KAZN: variants seen among roughly 807,000 people sequenced by gnomAD.
KAZN encodes kazrin.
In KAZN, 40 loss-of-function variants were observed where a neutral mutation model predicts 87.4. That is an observed-to-expected ratio of 0.46 (90% CI 0.36 to 0.60). The LOEUF (loss-of-function observed/expected upper bound fraction) is 0.60, where lower values mean the gene tolerates loss of function less well. KAZN is among the 20% of genes least tolerant of loss of function. The pLI is 0.00. For missense variants in KAZN, 898 were observed against 1,073.9 expected (o/e 0.84, Z 2.29); for synonymous variants, 466 against 458.3 (o/e 1.02, Z -0.22).
chr1:14,779,343 G>A (rs1212960361), intron 1 of KAZN, among the ~76,000 whole-genome samples: 2 of 152,134 alleles, frequency 1.3e-5, no homozygotes, highest in South Asian at 4.1e-4. Flanking sequence ...GGGCCCCCCG[G>A]CTTCCCTCTG....
intron 2 of KAZN, among the ~76,000 whole-genome samples, chr1:14,373,237 A>ATATATATATATAT (rs1660651334): frequency 6.6e-6 from 1 of 151,076 alleles, no homozygotes; most frequent in African/African-American, 2.4e-5. Context: ...GCACACATAT[A>ATATATATATATAT]ATTATAAGGA....
intron 1 of KAZN, among the ~76,000 whole-genome samples, chr1:14,172,745 C>T (rs1645981850): frequency 6.6e-6 from 1 of 152,192 alleles, no homozygotes; most frequent in Admixed American, 6.5e-5. Flanking sequence ...ATGGCAAGGG[C>T]CTCCGTGATG....
intron 1 of KAZN, among the ~76,000 whole-genome samples, chr1:14,826,428 T>G (rs2100851286): frequency 6.6e-6 from 1 of 152,342 alleles, no homozygotes; most frequent in African/African-American, 2.4e-5. Context: ...GCAATTGCAC[T>G]CAAGCCTGAG....
chr1:14,206,316 ATTGTAC>A (rs1468446803), intron 2 of KAZN, among the ~76,000 whole-genome samples: 1 of 152,232 alleles, frequency 6.6e-6, no homozygotes, highest in Non-Finnish European at 1.5e-5. Context: ...AAACAGAATA[ATTGTAC>A]TTATATTTCA....
At chr1:14,140,128 A>T (rs1248046805) in intron 1 of KAZN, among the ~76,000 whole-genome samples, 1 of 152,016 alleles carries the variant, frequency 6.6e-6, no homozygotes, top group African/African-American at 2.4e-5. Context: ...CTCCTGAAAG[A>T]GGTGATGTAC....
chr1:14,096,298 A>T (rs1022835350), intron 1 of KAZN, among the ~76,000 whole-genome samples: 2 of 152,228 alleles, frequency 1.3e-5, no homozygotes. Context: ...TATAAAGGGT[A>T]ATAATTACTC....
intron 1 of KAZN, among the ~76,000 whole-genome samples, chr1:14,886,263 A>G (rs1654038224): frequency 6.6e-6 from 1 of 152,110 alleles, no homozygotes; most frequent in Non-Finnish European, 1.5e-5. Context: ...CACTACAAAA[A>G]GATTAAAAAA....
intron 2 of KAZN, among the ~76,000 whole-genome samples, chr1:14,539,464 T>G (rs1397649629): frequency 6.6e-6 from 1 of 152,186 alleles, no homozygotes; most frequent in Non-Finnish European, 1.5e-5. Context: ...TTTTGACAAA[T>G]GTACCATGGT....
chr1:14,727,479 T>C lies in KAZN; in HGVS notation c.226+128256T>C, dbSNP rs1280906129. Among the ~76,000 whole-genome samples, 15 of 99,968 alleles carry C rather than the reference T, an allele frequency of 1.5e-4. 1 individual carries two copies. Among genetic ancestry groups the C allele is most frequent in the East Asian group, 2.9e-4 (1 of 3,508 alleles). The allele number at this position is 99,968 out of a possible 152,430, so 65.6% of individuals were successfully genotyped here. On this transcript the variant is annotated intron_variant, in intron 1 of 14. Transcript: ENST00000376030. ...TTTTTTTTTTTTTTTTTTTTTTTTT[T>C]TTTTTTTTTTTTTTTTTGAGAAAGA...
intron 1 of KAZN, among the ~76,000 whole-genome samples, chr1:14,885,252 T>C (rs1226664045): frequency 6.6e-6 from 1 of 152,110 alleles, no homozygotes; most frequent in East Asian, 1.9e-4. Context: ...CATCCTTCTT[T>C]CGTGGCCCAG....
At chr1:14,536,668 G>C (rs1672521597) in intron 2 of KAZN, among the ~76,000 whole-genome samples, 1 of 152,174 alleles carries the variant, frequency 6.6e-6, no homozygotes, top group Non-Finnish European at 1.5e-5. Context: ...GACAACCTGA[G>C]GTCAGGAGTT....
At chr1:14,575,252 A>T (rs1675108556) in intron 2 of KAZN, among the ~76,000 whole-genome samples, 1 of 152,120 alleles carries the variant, frequency 6.6e-6, no homozygotes, top group African/African-American at 2.4e-5. Flanking sequence ...TGCTGCTGAG[A>T]AAGACATACC....
At chr1:14,879,511 G>C (rs1182875555) in intron 1 of KAZN, among the ~76,000 whole-genome samples, 1 of 152,148 alleles carries the variant, frequency 6.6e-6, no homozygotes, top group African/African-American at 2.4e-5. Context: ...GCCAGCCAAA[G>C]CAAAACGGCC....
rs763767893 is a variant in KAZN, at chr1:14,755,086, G to GAAAAAA, written c.226+155863_226+155864insAAAAAA. Among the ~76,000 whole-genome samples, 25 of 50,016 alleles carry GAAAAAA rather than the reference G, an allele frequency of 5.0e-4. 1 individual carries two copies. The highest frequency in any genetic ancestry group is 4.7e-4 in the South Asian group (1 of 2,112). The allele number at this position is 50,016 out of a possible 152,430, so 32.8% of individuals were successfully genotyped here. On this transcript the variant is annotated intron_variant, in intron 1 of 14. Coordinates refer to ENST00000376030, the MANE Select transcript of KAZN (RefSeq NM_201628.3). Reference sequence around the variant, plus strand: ...GAGAAACCCCATCTCTACTAAAAATGCAAAAAAAAAAAAAAAAATAGCCAG... The same window carrying GAAAAAA: ...GAGAAACCCCATCTCTACTAAAAATGAAAAAACAAAAAAAAAAAAAAAAATAGCCAG...
intron 6 of KAZN, 182 bp from the exon 7 acceptor site, chr1:15,063,390 T>A: frequency 1.6e-6 from 1 of 622,618 alleles, no homozygotes; most frequent in Non-Finnish European, 2.9e-6. Context: ...CCAGGCCCCA[T>A]CAATAAGCCA....
chr1:14,284,756 T>C (rs1188688916), intron 2 of KAZN, among the ~76,000 whole-genome samples: 1 of 152,184 alleles, frequency 6.6e-6, no homozygotes, highest in Non-Finnish European at 1.5e-5. Flanking sequence ...ATCAGGAGTT[T>C]AGGATCATCA....
intron 1 of KAZN, among the ~76,000 whole-genome samples, chr1:14,950,243 A>G (rs981292454): frequency 2.6e-5 from 4 of 151,950 alleles, no homozygotes; most frequent in African/African-American, 9.7e-5. Context: ...TCAGGATCAT[A>G]TGACACAGGC....
At chr1:14,174,669 T>C (rs903668739) in intron 1 of KAZN, among the ~76,000 whole-genome samples, 14 of 152,230 alleles carry the variant, frequency 9.2e-5, no homozygotes, top group Non-Finnish European at 1.6e-4. Context: ...GGCTCACTTA[T>C]ATAACAAGGA....
chr1:14,797,894 G>A (rs775157471), intron 1 of KAZN, among the ~76,000 whole-genome samples: 66 of 152,194 alleles, frequency 4.3e-4, no homozygotes, highest in Admixed American at 1.3e-4. Context: ...AAAGATGCCA[G>A]CTCTCATTTA....
Sources: gnomAD v4.1 joint callset for allele counts (sites outside exome capture counted in the v4.1 genomes callset) on GRCh38, gnomAD v4.1.1 for gene constraint, MANE v1.5 for transcripts, NCBI Gene and HGNC (gene_info 2026-07-23, HGNC 2026-07-21) for gene names.